LRRTM4: variants seen among roughly 807,000 people sequenced by gnomAD.
LRRTM4 encodes leucine rich repeat transmembrane neuronal 4, also known as leucine-rich repeat transmembrane neuronal protein 4.
Under a neutral mutation model 47.6 loss-of-function variants are expected in LRRTM4, and 25 were observed. The observed-to-expected ratio is 0.53, with a 90% CI of 0.38 to 0.73. LRRTM4 has a LOEUF of 0.73. LRRTM4 is among the 30% of genes least tolerant of loss of function. The pLI is 0.00. For missense variants in LRRTM4, 638 were observed against 713.4 expected (o/e 0.89, Z 1.20); for synonymous variants, 311 against 269.5 (o/e 1.15, Z -1.51).
At chr2:77,170,213 G>T (rs1673008563) in intron 3 of LRRTM4, among the ~76,000 whole-genome samples, 1 of 152,274 alleles carries the variant, frequency 6.6e-6, no homozygotes, top group Admixed American at 6.5e-5. Context: ...AGAGTGGGAA[G>T]AGGAAGGCAG....
intron 3 of LRRTM4, among the ~76,000 whole-genome samples, chr2:77,444,656 A>G (rs974200817): frequency 2.0e-5 from 3 of 152,044 alleles, no homozygotes; most frequent in African/African-American, 7.2e-5. Context: ...TTAAAAATAT[A>G]AAAATCTTTT....
chr2:77,466,570 T>G (rs1337170194), intron 3 of LRRTM4, among the ~76,000 whole-genome samples: 1 of 152,192 alleles, frequency 6.6e-6, no homozygotes, highest in African/African-American at 2.4e-5. Flanking sequence ...TACACTGTTT[T>G]TCTTTGTGAA....
intron 3 of LRRTM4, among the ~76,000 whole-genome samples, chr2:77,089,717 A>T (rs1390457800): frequency 6.6e-6 from 1 of 151,650 alleles, no homozygotes; most frequent in African/African-American, 2.4e-5. Context: ...CTCACACCTG[A>T]CCTAAAACCT....
chr2:76,800,797 A>G (rs1675627203), intron 3 of LRRTM4, among the ~76,000 whole-genome samples: 2 of 147,396 alleles, frequency 1.4e-5, no homozygotes, highest in South Asian at 4.4e-4. Flanking sequence ...GGCGAAGGAC[A>G]TGAACAGACA....
chr2:77,179,675 G>A (rs149976567), intron 3 of LRRTM4, among the ~76,000 whole-genome samples: 122 of 152,012 alleles, frequency 8.0e-4, no homozygotes, highest in African/African-American at 2.8e-3. Flanking sequence ...AGGTTGATTC[G>A]GGCTTCAGCT....
intron 3 of LRRTM4, among the ~76,000 whole-genome samples, chr2:76,827,539 A>G (rs551890991): frequency 3.1e-4 from 47 of 152,008 alleles, no homozygotes; most frequent in Non-Finnish European, 5.7e-4. Flanking sequence ...TGATGACTCT[A>G]TCTTAATGAA....
intron 3 of LRRTM4, among the ~76,000 whole-genome samples, chr2:76,934,416 A>G (rs1674873039): frequency 6.6e-6 from 1 of 152,174 alleles, no homozygotes; most frequent in African/African-American, 2.4e-5. Context: ...TAGGGACATA[A>G]CAACTAAAAT....
chr2:76,980,763 T>C (rs1192348726), intron 3 of LRRTM4, among the ~76,000 whole-genome samples: 1 of 152,052 alleles, frequency 6.6e-6, no homozygotes, highest in Non-Finnish European at 1.5e-5. Context: ...GTTTGAAACT[T>C]AGATGTCAAG....
At chr2:77,124,698 CAGTTTTGTATTCCTCTAGCCATCA>C (rs1671609111) in intron 3 of LRRTM4, among the ~76,000 whole-genome samples, 2 of 152,026 alleles carry the variant, frequency 1.3e-5, no homozygotes, top group African/African-American at 2.4e-5. Context: ...ATTTTTGATT[CAGTTTTGTATTCCTCTAGCCATCA>C]GCATGATGTG....
intron 3 of LRRTM4, among the ~76,000 whole-genome samples, chr2:77,169,020 T>C (rs1418953506): frequency 6.6e-6 from 1 of 152,140 alleles, no homozygotes; most frequent in Non-Finnish European, 1.5e-5. Flanking sequence ...TTTGATATAA[T>C]TCAATATCCT....
intron 3 of LRRTM4, among the ~76,000 whole-genome samples, chr2:77,127,221 C>T (rs1671671575): frequency 6.6e-6 from 1 of 152,142 alleles, no homozygotes; most frequent in Admixed American, 6.5e-5. Context: ...AGCGTTAGTG[C>T]TTTCATAGGA....
chr2:76,823,852 T>C (rs562193661), intron 3 of LRRTM4, among the ~76,000 whole-genome samples: 1 of 151,662 alleles, frequency 6.6e-6, no homozygotes, highest in Admixed American at 6.6e-5. Flanking sequence ...TTAGATAAAA[T>C]AGCACTTAAA....
chr2:76,999,452 A>C (rs1558788270), intron 3 of LRRTM4, among the ~76,000 whole-genome samples: 1 of 150,998 alleles, frequency 6.6e-6, no homozygotes, highest in Non-Finnish European at 1.5e-5. Flanking sequence ...AACAAAACAA[A>C]AAAAAAAAGC....
In LRRTM4 at chr2:77,321,160, T is replaced by C. The variant is rs555044818; in HGVS notation, c.1551+197158A>G. Among the ~76,000 whole-genome samples the C allele has an allele frequency of 5.9e-5, 9 of 152,288 alleles. No individual in the cohort carries two copies. In the South Asian group the frequency reaches 1.9e-3, roughly 32 times the overall value. On this transcript the variant is annotated intron_variant, in intron 3 of 3. Coordinates refer to ENST00000409884, the MANE Select transcript of LRRTM4 (RefSeq NM_001134745.3). ...GGTGGTTACTAGAAATGGATGCATT[T>C]CAATCTTTCTGTCCTCAGATCTTTT...
At position 77,040,159 on chromosome 2, in the gene LRRTM4, T is replaced by C. The variant is rs139289195; in HGVS notation, c.1552-291243A>G. On this transcript the variant is annotated intron_variant, in intron 3 of 3. Coordinates refer to ENST00000409884, the MANE Select transcript of LRRTM4 (RefSeq NM_001134745.3). ...AAATCCATGAATCCATATAAAACTA[T>C]TGAGATTTTCCATGTTTTTCCATTT... Among the ~76,000 whole-genome samples the C allele has an allele frequency of 4.8e-3, 723 of 151,370 alleles. 6 individuals are homozygous for C. The highest frequency in any genetic ancestry group is 5.5e-3 in the Non-Finnish European group (372 of 67,490).
chr2:76,881,735 A>G (rs1672936320), intron 3 of LRRTM4, among the ~76,000 whole-genome samples: 1 of 152,022 alleles, frequency 6.6e-6, no homozygotes. Context: ...CTGTTATATA[A>G]CAGTTTTTTC....
chr2:76,809,964 TA>T (rs1018285839), intron 3 of LRRTM4, among the ~76,000 whole-genome samples: 1 of 152,200 alleles, frequency 6.6e-6, no homozygotes, highest in Admixed American at 6.5e-5. Flanking sequence ...GACCAACCTA[TA>T]AAAAAAATTC....
intron 3 of LRRTM4, among the ~76,000 whole-genome samples, chr2:76,856,624 T>C (rs1292306650): frequency 1.3e-5 from 2 of 152,192 alleles, no homozygotes; most frequent in East Asian, 1.9e-4. Flanking sequence ...AATGTTTAAC[T>C]GATATTTGTT....
intron 3 of LRRTM4, among the ~76,000 whole-genome samples, chr2:77,306,897 AT>A (rs774697360): frequency 0.025 from 2,760 of 112,380 alleles, 105 homozygotes; most frequent in African/African-American, 0.11. Flanking sequence ...GCTTTTCCAT[AT>A]TTTTTTTTTT....
Sources: allele counts gnomAD v4.1 joint callset (sites outside exome capture counted in the v4.1 genomes callset), GRCh38; gene constraint gnomAD v4.1.1; transcripts MANE v1.5; gene names NCBI Gene and HGNC (gene_info 2026-07-23, HGNC 2026-07-21).